The following ANGPTL3 variants were observed in gnomAD, a reference collection of about 807,000 sequenced individuals.
The protein encoded by ANGPTL3 is angiopoietin-related protein 3.
A neutral mutation model predicts 52.7 loss-of-function variants in ANGPTL3; 51 were observed. That is an observed-to-expected ratio of 0.97 (90% CI 0.77 to 1.22). The LOEUF (loss-of-function observed/expected upper bound fraction) is 1.22, where lower values mean the gene tolerates loss of function less well. Ranked by LOEUF, ANGPTL3 falls within the 50% of genes most tolerant of loss-of-function variation. ANGPTL3 has a pLI of 0.00. For synonymous variants in ANGPTL3, 185 were observed against 179.8 expected (o/e 1.03, Z -0.23); for missense variants, 506 against 520.7 (o/e 0.97, Z 0.27).
At chr1:62,603,688 T>A (rs890640677) in intron 5 of ANGPTL3, among the ~76,000 whole-genome samples, 2 of 151,802 alleles carry the variant, frequency 1.3e-5, no homozygotes, top group South Asian at 2.1e-4. Flanking sequence ...AAAATATCTA[T>A]AATAATGTAA....
rs1000718769 is a variant in ANGPTL3 at position 62,600,934 on chromosome 1, T to C, written c.607-148T>C. On this transcript the variant is annotated intron_variant, in intron 2 of 6. Coordinates refer to ENST00000371129, the MANE Select transcript of ANGPTL3 (RefSeq NM_014495.4). ...TTTTGAGAACAGGTAATCTGTACAA[T>C]CTGAATAACACTGTTTATCTAAATA... 36 of 610,976 alleles carry C rather than the reference T, an allele frequency of 5.9e-5. 1 individual carries two copies. In the South Asian group the frequency reaches 7.1e-4, roughly 12 times the overall value. 37.8% of individuals were successfully genotyped at this position (610,976 alleles called of 1,614,324 possible).
Position 62,602,289 on chromosome 1 carries a change from T to C in ANGPTL3, c.840T>C (p.Ser280=). Reference sequence around the variant, plus strand: ...GATTTCATTCATTATATTCAGGTAGTCCATGGACATTAATTCAACATCGAA... The same window carrying C: ...GATTTCATTCATTATATTCAGGTAGCCCATGGACATTAATTCAACATCGAA... The part of the protein sequence containing the change: ...FHVYCDVISG[S]PWTLIQHRID... The change falls in exon 5 of 7, where the codon AGT becomes AGC. Residue 280 remains serine, a synonymous_variant. Coordinates refer to ENST00000371129, the MANE Select transcript of ANGPTL3 (RefSeq NM_014495.4). 1.2e-6 allele frequency: 2 copies of C among 1,606,148 alleles called. No homozygotes were observed. Among genetic ancestry groups the C allele is most frequent in the Non-Finnish European group, 8.5e-7 (1 of 1,173,808 alleles).
Sources: gnomAD v4.1 joint callset for allele counts (sites outside exome capture counted in the v4.1 genomes callset) on GRCh38, gnomAD v4.1.1 for gene constraint, MANE v1.5 for transcripts, NCBI Gene and HGNC (gene_info 2026-07-23, HGNC 2026-07-21) for gene names.